ARL15: variants seen among roughly 807,000 people sequenced by gnomAD.
The protein encoded by ARL15 is ADP-ribosylation factor-like protein 15.
Under a neutral mutation model 25.2 loss-of-function variants are expected in ARL15, and 19 were observed. The ratio of observed to expected loss-of-function variants is 0.75; its 90% confidence interval spans 0.53 to 1.10. ARL15 has a LOEUF of 1.10. Ranked by LOEUF, ARL15 falls within the 50% of genes least tolerant of loss-of-function variation. The pLI, the probability that ARL15 is intolerant of heterozygous loss-of-function variation, is 0.00. For missense variants in ARL15, 220 were observed against 246.0 expected (o/e 0.89, Z 0.71); for synonymous variants, 94 against 86.8 (o/e 1.08, Z -0.46).
intron 4 of ARL15, among the ~76,000 whole-genome samples, chr5:54,069,234 T>C (rs891706129): frequency 6.6e-6 from 1 of 151,926 alleles, no homozygotes; most frequent in Non-Finnish European, 1.5e-5. Flanking sequence ...CATAATTGTA[T>C]GTACTATGGT....
intron 4 of ARL15, among the ~76,000 whole-genome samples, chr5:54,038,720 G>C (rs1268214454): frequency 1.3e-5 from 2 of 149,390 alleles, no homozygotes; most frequent in East Asian, 3.9e-4. Context: ...GGTCTTATTT[G>C]TAAACATATA....
intron 4 of ARL15, among the ~76,000 whole-genome samples, chr5:53,922,460 T>C (rs1371969145): frequency 6.6e-6 from 1 of 152,212 alleles, no homozygotes; most frequent in Non-Finnish European, 1.5e-5. Flanking sequence ...GTCCCCTAAC[T>C]TTCTGTGTAG....
At chr5:53,946,455 GAAA>G (rs55727717) in intron 4 of ARL15, among the ~76,000 whole-genome samples, 3 of 43,940 alleles carry the variant, frequency 6.8e-5, no homozygotes, top group African/African-American at 9.0e-5. Flanking sequence ...GTCTCAAGAG[GAAA>G]AAAAAAAAAA....
At chr5:54,011,471 A>G (rs1749242007) in intron 4 of ARL15, among the ~76,000 whole-genome samples, 1 of 152,168 alleles carries the variant, frequency 6.6e-6, no homozygotes, top group Non-Finnish European at 1.5e-5. Context: ...AAATAACAGA[A>G]AAAGGTGTCA....
intron 4 of ARL15, among the ~76,000 whole-genome samples, chr5:54,060,411 G>A (rs1459084789): frequency 6.6e-6 from 1 of 152,098 alleles, no homozygotes; most frequent in Non-Finnish European, 1.5e-5. Context: ...CAGCAGCCTG[G>A]GCTACAGAGC....
chr5:53,996,436 T>C (rs1437029927), intron 4 of ARL15, among the ~76,000 whole-genome samples: 1 of 152,016 alleles, frequency 6.6e-6, no homozygotes, highest in African/African-American at 2.4e-5. Flanking sequence ...TTTGCCAGCA[T>C]GGCAAAACTC....
intron 4 of ARL15, among the ~76,000 whole-genome samples, chr5:54,057,103 A>G (rs1317666323): frequency 6.6e-6 from 1 of 152,214 alleles, no homozygotes; most frequent in Non-Finnish European, 1.5e-5. Context: ...AAGGAAGATT[A>G]AATTTTGGGA....
chr5:54,181,933 T>A (rs1579882413), intron 1 of ARL15, among the ~76,000 whole-genome samples: 1 of 128,386 alleles, frequency 7.8e-6, no homozygotes, highest in East Asian at 2.6e-4. Flanking sequence ...ATTTTTTGGC[T>A]GCATAAATGT....
intron 1 of ARL15, among the ~76,000 whole-genome samples, chr5:54,193,052 T>A (rs992737087): frequency 2.6e-5 from 4 of 152,206 alleles, no homozygotes; most frequent in African/African-American, 9.6e-5. Flanking sequence ...CCATATCTGC[T>A]TCAACGTCCT....
chr5:53,916,501 C>T lies in ARL15; in HGVS notation c.463-29788G>A, dbSNP rs908618206. Among the ~76,000 whole-genome samples, 39 of 151,796 alleles carry T rather than the reference C, an allele frequency of 2.6e-4. 1 individual carries two copies. The highest frequency in any genetic ancestry group is 8.5e-4 in the African/African-American group (35 of 41,296). On this transcript the variant is annotated intron_variant, in intron 4 of 4. Coordinates refer to ENST00000504924, the MANE Select transcript of ARL15 (RefSeq NM_019087.3). ...CAACCTGCACATGTAACCCCCTAAA[C>T]CTAAAATAAAAGTTGGGGGGAAAGA...
chr5:53,895,621 T>G (rs1394183484), intron 4 of ARL15, among the ~76,000 whole-genome samples: 2 of 152,168 alleles, frequency 1.3e-5, no homozygotes, highest in Non-Finnish European at 2.9e-5. Flanking sequence ...TTTGTTAAAT[T>G]TACACCACCT....
At chr5:54,240,101 C>A (rs1190188773) in intron 1 of ARL15, among the ~76,000 whole-genome samples, 1 of 151,820 alleles carries the variant, frequency 6.6e-6, no homozygotes, top group East Asian at 1.9e-4. Context: ...GTGGCGGGCA[C>A]CTGTAGTCCC....
At chr5:54,067,704 T>C (rs1020249723) in intron 4 of ARL15, among the ~76,000 whole-genome samples, 1 of 152,188 alleles carries the variant, frequency 6.6e-6, no homozygotes, top group African/African-American at 2.4e-5. Flanking sequence ...AACCATCGTC[T>C]TGGTAATCTC....
intron 1 of ARL15, among the ~76,000 whole-genome samples, chr5:54,243,013 T>C (rs958914437): frequency 2.0e-5 from 3 of 152,228 alleles, no homozygotes; most frequent in African/African-American, 7.2e-5. Context: ...TGTCCCAGTA[T>C]GAAAAACATC....
At chr5:54,039,000 T>C (rs1251534661) in intron 4 of ARL15, among the ~76,000 whole-genome samples, 1 of 152,164 alleles carries the variant, frequency 6.6e-6, no homozygotes, top group Non-Finnish European at 1.5e-5. Flanking sequence ...GCAATAAAGT[T>C]CTTAGTGATC....
intron 1 of ARL15, among the ~76,000 whole-genome samples, chr5:54,221,374 G>A (rs1449359404): frequency 6.6e-6 from 1 of 152,210 alleles, no homozygotes; most frequent in Non-Finnish European, 1.5e-5. Flanking sequence ...TCACCTTGAT[G>A]TAACATAGTT....
At chr5:54,043,596 G>A (rs1476263747) in intron 4 of ARL15, among the ~76,000 whole-genome samples, 2 of 152,118 alleles carry the variant, frequency 1.3e-5, no homozygotes, top group Non-Finnish European at 2.9e-5. Flanking sequence ...AGAAGTCATG[G>A]AAATTAGATT....
rs549461631 is a variant in ARL15, at chr5:54,273,961, G to C, written c.48+36471C>G. Reference sequence around the variant, plus strand: ...AATAGATGCACTTTGGCTGATGAAAGGCTCTAGAGTTCAAAGGAGGCCGTT... The same window carrying C: ...AATAGATGCACTTTGGCTGATGAAACGCTCTAGAGTTCAAAGGAGGCCGTT... On this transcript the variant is annotated intron_variant, in intron 1 of 4. Coordinates refer to ENST00000504924, the MANE Select transcript of ARL15 (RefSeq NM_019087.3). Among the ~76,000 whole-genome samples the C allele has an allele frequency of 7.9e-5, 12 of 152,252 alleles. No individual in the cohort carries two copies. In the East Asian group the frequency reaches 2.3e-3, roughly 29 times the overall value.
chr5:54,178,007 CACACAG>C (rs1754934678), intron 1 of ARL15, among the ~76,000 whole-genome samples: 1 of 152,186 alleles, frequency 6.6e-6, no homozygotes, highest in African/African-American at 2.4e-5. Context: ...TAGAAATATG[CACACAG>C]ACACAAAGAC....
Sources: allele counts gnomAD v4.1 joint callset (sites outside exome capture counted in the v4.1 genomes callset), GRCh38; gene constraint gnomAD v4.1.1; transcripts MANE v1.5; gene names NCBI Gene and HGNC (gene_info 2026-07-23, HGNC 2026-07-21).